FRMD6: variants seen among roughly 807,000 people sequenced by gnomAD.
The protein encoded by FRMD6 is FERM domain-containing protein 6.
FRMD6 carries 37 observed loss-of-function variants against 73.2 expected under a neutral mutation model. The ratio of observed to expected loss-of-function variants is 0.51; its 90% CI spans 0.39 to 0.66. The LOEUF is 0.66. Ranked by LOEUF, FRMD6 falls within the 30% of genes least tolerant of loss-of-function variation. FRMD6 has a pLI of 0.00. For missense variants in FRMD6, 714 were observed against 780.5 expected, an observed-to-expected ratio of 0.91 and a Z score of 1.02; for synonymous variants, 273 against 282.2, an observed-to-expected ratio of 0.97 and a Z score of 0.33.
At chr14:51,664,229 T>C (rs1455095421) in intron 1 of FRMD6, among the ~76,000 whole-genome samples, 2 of 152,212 alleles carry the variant, frequency 1.3e-5, no homozygotes, top group African/African-American at 4.8e-5. Context: ...CCAGAGCAAA[T>C]TGAGTAATAG....
At position 51,708,243 on chromosome 14, in the gene FRMD6, G is replaced by T; in HGVS notation, c.714+10G>T. On this transcript the variant is annotated intron_variant, in intron 7 of 13. Coordinates refer to ENST00000344768, the MANE Select transcript of FRMD6 (RefSeq NM_001267046.2). ...CTACAGATTGTATAAGGTATGAAAC[G>T]GCAACTAAGTCTTCAGCTTCTGAGA... 1 of 1,608,102 alleles carries T rather than the reference G, an allele frequency of 6.2e-7. No individual in the cohort carries two copies. Among genetic ancestry groups the T allele is most frequent in the South Asian group, 1.1e-5 (1 of 90,242 alleles).
chr14:51,404,614 A>G, the FRMD6 span, among the ~76,000 whole-genome samples: 2 of 152,186 alleles, frequency 1.3e-5, no homozygotes, highest in East Asian at 3.9e-4. Context: ...TGTTTTCCTT[A>G]TGGATAACCA....
At chr14:51,520,796 C>G (rs976049589) in intron 1 of FRMD6, among the ~76,000 whole-genome samples, 1 of 152,044 alleles carries the variant, frequency 6.6e-6, no homozygotes, top group African/African-American at 2.4e-5. Context: ...GTGGTCCCAG[C>G]TACTACGGAG....
chr14:51,616,726 CAAG>C (rs1277217746), intron 2 of FRMD6, among the ~76,000 whole-genome samples: 2 of 152,106 alleles, frequency 1.3e-5, no homozygotes, highest in Non-Finnish European at 2.9e-5. Flanking sequence ...GAAAACAAGA[CAAG>C]AAGCAGCCCA....
chr14:51,595,188 C>T (rs1889643449), intron 2 of FRMD6, among the ~76,000 whole-genome samples: 1 of 152,162 alleles, frequency 6.6e-6, no homozygotes, highest in African/African-American at 2.4e-5. Context: ...AGCGACCCGT[C>T]TTGCCAAAGC....
At chr14:51,403,062 G>A in the FRMD6 span, among the ~76,000 whole-genome samples, 1 of 152,124 alleles carries the variant, frequency 6.6e-6, no homozygotes, top group Non-Finnish European at 1.5e-5. Context: ...AAATTCTCCG[G>A]TAGAAATTCA....
intron 1 of FRMD6, among the ~76,000 whole-genome samples, chr14:51,562,377 T>C (rs186517143): frequency 1.0e-3 from 157 of 152,264 alleles, no homozygotes; most frequent in Admixed American, 1.6e-3. Context: ...AAGCAGAAGA[T>C]AGCATGCATA....
the FRMD6 span, among the ~76,000 whole-genome samples, chr14:51,462,832 G>T: frequency 6.6e-6 from 1 of 151,782 alleles, no homozygotes; most frequent in Non-Finnish European, 1.5e-5. Flanking sequence ...AAGGGAGAAG[G>T]GTGACTCACA....
intron 2 of FRMD6, among the ~76,000 whole-genome samples, chr14:51,616,140 A>C (rs1157784839): frequency 6.6e-6 from 1 of 152,208 alleles, no homozygotes; most frequent in Non-Finnish European, 1.5e-5. Flanking sequence ...AGAAAGGCGC[A>C]TGAGAGGATA....
intron 1 of FRMD6, among the ~76,000 whole-genome samples, chr14:51,504,338 CAG>C (rs1368203097): frequency 6.6e-6 from 1 of 152,228 alleles, no homozygotes; most frequent in Non-Finnish European, 1.5e-5. Flanking sequence ...GACCTGTTTC[CAG>C]CCTGAACGCA....
intron 2 of FRMD6, among the ~76,000 whole-genome samples, chr14:51,631,153 AT>A (rs1415616411): frequency 3.3e-5 from 5 of 152,118 alleles, no homozygotes; most frequent in Non-Finnish European, 2.9e-5. Flanking sequence ...AAACTGGTAC[AT>A]TTTTTGAGTA....
chr14:51,475,080 T>G, the FRMD6 span, among the ~76,000 whole-genome samples: 1 of 152,086 alleles, frequency 6.6e-6, no homozygotes, highest in African/African-American at 2.4e-5. Context: ...GCCAAGAGAG[T>G]GACAATGCTT....
intron 1 of FRMD6, among the ~76,000 whole-genome samples, chr14:51,658,980 A>G (rs903602088): frequency 6.6e-6 from 1 of 152,252 alleles, no homozygotes; most frequent in African/African-American, 2.4e-5. Flanking sequence ...TAATGTTAAC[A>G]AGTAAAAAAT....
intron 1 of FRMD6, among the ~76,000 whole-genome samples, chr14:51,559,108 G>A (rs549781931): frequency 6.6e-6 from 1 of 152,306 alleles, no homozygotes; most frequent in African/African-American, 2.4e-5. Context: ...GATAAATGAA[G>A]TTGCTAGGTG....
chr14:51,410,692 T>C, the FRMD6 span, among the ~76,000 whole-genome samples: 2,006 of 152,306 alleles, frequency 0.013, 28 homozygotes, highest in African/African-American at 0.033. Context: ...AAGAAAACCA[T>C]GGTCAAACAC....
the FRMD6 span, among the ~76,000 whole-genome samples, chr14:51,425,251 G>T: frequency 8.5e-5 from 13 of 152,220 alleles, no homozygotes; most frequent in African/African-American, 2.9e-4. Flanking sequence ...GATTATCCTC[G>T]TCCTTGAGCC....
chr14:51,397,932 CA>C, the FRMD6 span, among the ~76,000 whole-genome samples: 2 of 151,976 alleles, frequency 1.3e-5, no homozygotes, highest in African/African-American at 2.4e-5. Context: ...TTCGAAAACC[CA>C]AAAGTATCCA....
chr14:51,396,509 G>A, the FRMD6 span, among the ~76,000 whole-genome samples: 2 of 152,094 alleles, frequency 1.3e-5, no homozygotes, highest in African/African-American at 4.8e-5. Flanking sequence ...CCTGGTGCCT[G>A]TGCTGCCACG....
At chr14:51,560,696 C>G (rs1887434122) in intron 1 of FRMD6, among the ~76,000 whole-genome samples, 1 of 152,128 alleles carries the variant, frequency 6.6e-6, no homozygotes, top group Admixed American at 6.6e-5. Flanking sequence ...GTTGATCAGT[C>G]TGGTCTCAAA....
Sources: gnomAD v4.1 joint callset for allele counts (sites outside exome capture counted in the v4.1 genomes callset) on GRCh38, gnomAD v4.1.1 for gene constraint, MANE v1.5 for transcripts, NCBI Gene and HGNC (gene_info 2026-07-23, HGNC 2026-07-21) for gene names.